The following RBFOX1 variants were observed in gnomAD, a reference collection of about 807,000 sequenced individuals.
RBFOX1 encodes the protein RNA binding fox-1 homolog 1, also known as RNA binding protein fox-1 homolog 1.
In RBFOX1, 8 loss-of-function variants were observed where a neutral mutation model predicts 57.7. The observed-to-expected ratio is 0.14, with a 90% CI of 0.08 to 0.25. The LOEUF (loss-of-function observed/expected upper bound fraction) is 0.25, where lower values mean the gene tolerates loss of function less well. Among genes scored for constraint, RBFOX1 ranks in the 10% least tolerant of loss-of-function variants. RBFOX1 has a pLI of 1.00. For synonymous variants in RBFOX1, 326 were observed against 222.4 expected (o/e 1.47, Z -4.15); for missense variants, 611 against 548.5 (o/e 1.11, Z -1.14).
intron 3 of RBFOX1, among the ~76,000 whole-genome samples, chr16:6,785,358 G>T (rs567619608): frequency 6.6e-6 from 1 of 152,300 alleles, no homozygotes; most frequent in Admixed American, 6.5e-5. Flanking sequence ...CAGTTGCCCT[G>T]TGTATAGAGC....
intron 3 of RBFOX1, chr16:6,704,528 C>T (rs116908302): frequency 0.032 from 4,823 of 152,272 alleles, 114 homozygotes; most frequent in Non-Finnish European, 0.049. Context: ...TCTACACCCC[C>T]CTTGGGTCTG....
At chr16:5,979,255 G>T (rs1207432730) in intron 4 of RBFOX1, among the ~76,000 whole-genome samples, 1 of 152,126 alleles carries the variant, frequency 6.6e-6, no homozygotes, top group Non-Finnish European at 1.5e-5. Flanking sequence ...ATTTTTTCTT[G>T]ATCTGATGAG....
chr16:5,724,278 G>A (rs2052048799), intron 3 of RBFOX1, among the ~76,000 whole-genome samples: 1 of 152,214 alleles, frequency 6.6e-6, no homozygotes, highest in Non-Finnish European at 1.5e-5. Flanking sequence ...CAGAGAGGCT[G>A]AGCCAGGGCC....
chr16:6,738,353 G>T (rs12447779), intron 3 of RBFOX1, among the ~76,000 whole-genome samples: 14,562 of 152,080 alleles, frequency 0.096, 931 homozygotes, highest in African/African-American at 0.17. Flanking sequence ...TGAGGAAGTG[G>T]AACTGAGGGT....
intron 2 of RBFOX1, among the ~76,000 whole-genome samples, chr16:6,614,823 C>A (rs2098120165): frequency 6.6e-6 from 1 of 152,200 alleles, no homozygotes; most frequent in Non-Finnish European, 1.5e-5. Context: ...ACTCACCCTA[C>A]TCCAGGGTTA....
At position 7,269,637 on chromosome 16, in the gene RBFOX1, A is replaced by G. The variant is rs145594652; in HGVS notation, c.27+217539A>G. On this transcript the variant is annotated intron_variant, in intron 4 of 15. Transcript: ENST00000550418. ...GATTCCATAATGTTCTGTTGTACCA[A>G]AAGTTATTACCTCTGTTGTTATTGA... is the stretch of plus-strand genomic sequence containing the variant. Among the ~76,000 whole-genome samples, 11 of 152,308 alleles carry G rather than the reference A, an allele frequency of 7.2e-5. 1 individual carries two copies. Among genetic ancestry groups the G allele is most frequent in the African/African-American group, 2.6e-4 (11 of 41,580 alleles).
At chr16:7,635,132 G>A (rs575280270) in intron 11 of RBFOX1, among the ~76,000 whole-genome samples, 15 of 152,238 alleles carry the variant, frequency 9.9e-5, no homozygotes, top group African/African-American at 3.6e-4. Flanking sequence ...ATCAAAATTG[G>A]CACCAGGCAG....
intron 3 of RBFOX1, among the ~76,000 whole-genome samples, chr16:6,931,780 G>T (rs2076601656): frequency 6.6e-6 from 1 of 152,142 alleles, no homozygotes; most frequent in Non-Finnish European, 1.5e-5. Context: ...GCCACAAACT[G>T]GGTAATTTAT....
Position 7,518,171 on chromosome 16 carries a change from C to A in RBFOX1, c.52C>A (p.Pro18Thr). The change falls in exon 5 of 16, where the codon CCT (proline) becomes ACT (threonine). Residue 18 changes from proline (P) to threonine (T), a missense_variant. Pro to Thr is a conservative substitution (Grantham distance 38). Around this residue, in one of 3 missense-constraint regions of RBFOX1, gnomAD observed 245 missense variants for 159.1 expected, o/e 1.54. Transcript: ENST00000550418. Reference protein sequence around the residue: ...LRGNQEAAAAPDTMAQPYASA... With the variant: ...LRGNQEAAAATDTMAQPYASA... ...GGGTAATCAGGAAGCAGCCGCTGCC[C>A]CTGACACAATGGCTCAGCCTTACGC... 6.2e-7 allele frequency: 1 copy of A among 1,613,416 alleles called. No individual in the cohort carries two copies. The highest frequency in any genetic ancestry group is 8.5e-7 in the Non-Finnish European group (1 of 1,179,620).
Position 6,218,372 on chromosome 16 carries a change from A to C in RBFOX1, c.-126-98623A>C, listed in dbSNP as rs190699104. 3.0e-3 allele frequency among the ~76,000 whole-genome samples: 453 copies of C among 152,182 alleles called. 2 individuals are homozygous for C. The highest frequency in any genetic ancestry group is 0.01 in the African/African-American group (428 of 41,518). On this transcript the variant is annotated intron_variant, in intron 1 of 15. Coordinates refer to ENST00000550418, the MANE Select transcript of RBFOX1 (RefSeq NM_018723.4). Reference sequence around the variant, plus strand: ...TGCCCAGGCTGGAGTGCAGTGGCACAATCTCGGCTCACTGCGACACCTGCC... The same window carrying C: ...TGCCCAGGCTGGAGTGCAGTGGCACCATCTCGGCTCACTGCGACACCTGCC...
intron 1 of RBFOX1, among the ~76,000 whole-genome samples, chr16:5,354,416 CCTT>C (rs1203156093): frequency 6.6e-6 from 1 of 152,136 alleles, no homozygotes. Context: ...GGCCATGTGA[CCTT>C]AGGCAAGTCA....
intron 4 of RBFOX1, among the ~76,000 whole-genome samples, chr16:7,237,894 C>T (rs1007677330): frequency 2.6e-5 from 4 of 152,178 alleles, no homozygotes; most frequent in African/African-American, 4.8e-5. Context: ...AAGCCAGCTA[C>T]TCAGGAGGCT....
At chr16:6,759,489 G>C (rs867156835) in intron 3 of RBFOX1, among the ~76,000 whole-genome samples, 3,024 of 125,780 alleles carry the variant, frequency 0.024, 53 homozygotes, top group Non-Finnish European at 0.039. Context: ...GTGTGTGTGT[G>C]TGTGTGTGTG....
chr16:6,291,452 C>A (rs1435303346), intron 1 of RBFOX1, among the ~76,000 whole-genome samples: 1 of 152,094 alleles, frequency 6.6e-6, no homozygotes, highest in Non-Finnish European at 1.5e-5. Flanking sequence ...TTCTTTCTTC[C>A]CTTTGTAAAA....
At chr16:5,252,914 C>T (rs918178559) in intron 1 of RBFOX1, among the ~76,000 whole-genome samples, 37 of 152,280 alleles carry the variant, frequency 2.4e-4, no homozygotes, top group East Asian at 3.9e-4. Flanking sequence ...GTGATTAAAC[C>T]ACCCCAAACA....
At chr16:6,058,579 C>T (rs1330440835) in intron 1 of RBFOX1, among the ~76,000 whole-genome samples, 1 of 152,088 alleles carries the variant, frequency 6.6e-6, no homozygotes, top group Non-Finnish European at 1.5e-5. Flanking sequence ...TCCATGTATT[C>T]ATCCATCTAT....
intron 2 of RBFOX1, among the ~76,000 whole-genome samples, chr16:6,372,598 A>G (rs1417151134): frequency 6.8e-6 from 1 of 146,852 alleles, no homozygotes; most frequent in African/African-American, 2.6e-5. Flanking sequence ...GGATGGAAGG[A>G]TAGTTCATTG....
intron 13 of RBFOX1, 102 bp from the exon 14 acceptor site, chr16:7,676,672 C>T (rs1331133780): frequency 8.2e-6 from 8 of 977,184 alleles, no homozygotes; most frequent in African/African-American, 1.6e-5. Context: ...AACTTTAGCT[C>T]AGTAGATTTG....
At chr16:6,872,349 C>T (rs2061075292) in intron 3 of RBFOX1, among the ~76,000 whole-genome samples, 1 of 152,140 alleles carries the variant, frequency 6.6e-6, no homozygotes. Context: ...CTCTGTTTCT[C>T]TCTTTTTCTC....
Sources: allele counts gnomAD v4.1 joint callset (sites outside exome capture counted in the v4.1 genomes callset), GRCh38; gene constraint gnomAD v4.1.1; regional missense constraint gnomAD v4.1.1; transcripts MANE v1.5; gene names NCBI Gene and HGNC (gene_info 2026-07-23, HGNC 2026-07-21).